Variants in ADCY9 observed in about 807,000 individuals in gnomAD.
ADCY9 encodes the protein adenylate cyclase 9.
Under a neutral mutation model 101.5 loss-of-function variants are expected in ADCY9, and 50 were observed. That is an observed-to-expected ratio of 0.49 (90% confidence interval 0.39 to 0.62). The LOEUF (loss-of-function observed/expected upper bound fraction) is 0.62, where lower values mean the gene tolerates loss of function less well. Ranked by LOEUF, ADCY9 falls within the 20% of genes least tolerant of loss-of-function variation. ADCY9 has a pLI of 0.00. For missense variants in ADCY9, 1,662 were observed against 1,800.4 expected, an observed-to-expected ratio of 0.92 and a Z score of 1.39; for synonymous variants, 905 against 769.3, an observed-to-expected ratio of 1.18 and a Z score of -2.92.
At chr16:4,076,971 G>A (rs1225147648) in intron 2 of ADCY9, among the ~76,000 whole-genome samples, 1 of 152,088 alleles carries the variant, frequency 6.6e-6, no homozygotes, top group Non-Finnish European at 1.5e-5. Flanking sequence ...CAGCTACTCA[G>A]GGGGCTGAAG....
chr16:4,044,432 G>A (rs1015450434), intron 2 of ADCY9, among the ~76,000 whole-genome samples: 3 of 151,962 alleles, frequency 2.0e-5, no homozygotes, highest in African/African-American at 7.3e-5. Context: ...GTGATAGGAC[G>A]GAGCCATTTT....
intron 2 of ADCY9, among the ~76,000 whole-genome samples, chr16:4,099,105 G>A (rs536615593): frequency 5.9e-5 from 9 of 152,014 alleles, no homozygotes; most frequent in Non-Finnish European, 1.3e-4. Context: ...GCTAATTTTT[G>A]TATTTCCAGT....
At chr16:4,097,111 C>T (rs1472142383) in intron 2 of ADCY9, among the ~76,000 whole-genome samples, 4 of 152,126 alleles carry the variant, frequency 2.6e-5, no homozygotes, top group South Asian at 2.1e-4. Flanking sequence ...AGAACTAGGC[C>T]GTTCAACCCC....
chr16:3,960,030 A>T (rs574164807), downstream of ADCY9, among the ~76,000 whole-genome samples: 3 of 152,242 alleles, frequency 2.0e-5, no homozygotes, highest in South Asian at 4.1e-4. Context: ...TGTCTCAAAA[A>T]AAATAAATAA....
intron 3 of ADCY9, among the ~76,000 whole-genome samples, chr16:4,004,077 CA>C (rs924394426): frequency 2.0e-3 from 279 of 138,006 alleles, no homozygotes; most frequent in South Asian, 0.011. Context: ...GGCAATATAG[CA>C]AAAAAAAAAA....
At chr16:3,967,071 C>T in intron 10 of ADCY9, 105 bp from the exon 11 acceptor site, 2 of 890,234 alleles carry the variant, frequency 2.2e-6, no homozygotes, top group Non-Finnish European at 3.5e-6. Context: ...AGGCCTTCAA[C>T]AACCTGAAGC....
intron 2 of ADCY9, among the ~76,000 whole-genome samples, chr16:4,073,817 A>G (rs760377721): frequency 8.5e-5 from 10 of 117,688 alleles, no homozygotes; most frequent in Non-Finnish European, 1.9e-4. Flanking sequence ...CAGTCGGGAG[A>G]TGAGACAGAA....
chr16:4,030,325 C>T (rs147211615), intron 2 of ADCY9, among the ~76,000 whole-genome samples: 191 of 152,126 alleles, frequency 1.3e-3, no homozygotes, highest in African/African-American at 3.9e-3. Context: ...ACAGCAGTGA[C>T]GATGAAGGAA....
chr16:4,093,496 T>C (rs2056985475), intron 2 of ADCY9, among the ~76,000 whole-genome samples: 1 of 152,200 alleles, frequency 6.6e-6, no homozygotes, highest in African/African-American at 2.4e-5. Flanking sequence ...GAAAATGAAA[T>C]GGCTAAATCT....
At chr16:4,080,491 A>G (rs991718940) in intron 2 of ADCY9, among the ~76,000 whole-genome samples, 1 of 152,106 alleles carries the variant, frequency 6.6e-6, no homozygotes, top group Non-Finnish European at 1.5e-5. Context: ...TCTTGGCCTC[A>G]AGAGTGATCC....
chr16:4,089,313 G>A (rs1332179248), intron 2 of ADCY9, among the ~76,000 whole-genome samples: 3 of 152,068 alleles, frequency 2.0e-5, no homozygotes, highest in Admixed American at 6.6e-5. Context: ...CGATCGAAAC[G>A]TGGCCTTTGT....
Position 4,035,005 on chromosome 16 carries a change from TAGTTTA to T in ADCY9, c.1694-27453_1694-27448del, listed in dbSNP as rs566038363. On this transcript the variant is annotated intron_variant, in intron 2 of 10. Transcript: ENST00000294016. ...AGCAGCTGTAACTGCAGTCACCGCC[TAGTTTA>T]AGTTTATGACAACCTGCTGTCATTC... Among the ~76,000 whole-genome samples the T allele has an allele frequency of 2.2e-3, 338 of 152,354 alleles. 1 individual carries two copies. Among genetic ancestry groups the T allele is most frequent in the African/African-American group, 7.3e-3 (305 of 41,578 alleles).
chr16:4,026,446 A>T (rs2056515792), intron 2 of ADCY9, among the ~76,000 whole-genome samples: 1 of 147,704 alleles, frequency 6.8e-6, no homozygotes. Flanking sequence ...AAAAAAAAAA[A>T]GTTAATCCTG....
chr16:4,044,929 C>T (rs2056652602), intron 2 of ADCY9, among the ~76,000 whole-genome samples: 1 of 152,154 alleles, frequency 6.6e-6, no homozygotes, highest in East Asian at 1.9e-4. Context: ...CTCCCGGCTC[C>T]CGCACGTGAC....
intron 2 of ADCY9, among the ~76,000 whole-genome samples, chr16:4,111,263 C>A (rs1184177465): frequency 6.7e-6 from 1 of 149,844 alleles, no homozygotes; most frequent in Non-Finnish European, 1.5e-5. Context: ...CTAATACACC[C>A]AGTATTGGGG....
At chr16:4,100,152 C>A (rs1165953987) in intron 2 of ADCY9, among the ~76,000 whole-genome samples, 5 of 151,974 alleles carry the variant, frequency 3.3e-5, no homozygotes, top group Non-Finnish European at 7.4e-5. Context: ...AGTGGCAGTT[C>A]CCCCTTCGCA....
intron 2 of ADCY9, among the ~76,000 whole-genome samples, chr16:4,066,610 C>A (rs1230566445): frequency 1.3e-5 from 2 of 152,148 alleles, no homozygotes; most frequent in African/African-American, 4.8e-5. Context: ...GTCTCAAATG[C>A]CTGGGCTCAG....
chr16:4,051,857 T>C (rs777347903), intron 2 of ADCY9, among the ~76,000 whole-genome samples: 1 of 152,186 alleles, frequency 6.6e-6, no homozygotes, highest in African/African-American at 2.4e-5. Context: ...CCCAGGATGC[T>C]AAAACAAATG....
downstream of ADCY9, among the ~76,000 whole-genome samples, chr16:3,958,671 TAC>T (rs2055921040): frequency 9.5e-6 from 1 of 105,588 alleles, no homozygotes; most frequent in South Asian, 3.4e-4. Context: ...TCTCGTCGGT[TAC>T]TTTTTTTTTT....
Sources: allele counts gnomAD v4.1 joint callset (sites outside exome capture counted in the v4.1 genomes callset), GRCh38; gene constraint gnomAD v4.1.1; transcripts MANE v1.5; gene names NCBI Gene and HGNC (gene_info 2026-07-23, HGNC 2026-07-21).